The following TIAM2 variants were observed in gnomAD, a reference collection of about 807,000 sequenced individuals.
TIAM2 encodes rho guanine nucleotide exchange factor TIAM2.
TIAM2 carries 80 observed loss-of-function variants against 152.9 expected under a neutral mutation model. The observed-to-expected ratio is 0.52, with a 90% CI of 0.44 to 0.63. The LOEUF (loss-of-function observed/expected upper bound fraction) is 0.63. Ranked by LOEUF, TIAM2 falls within the 30% of genes least tolerant of loss-of-function variation. TIAM2 has a pLI of 0.00. For missense variants in TIAM2, 1,965 were observed against 2,120.1 expected (o/e 0.93, Z 1.44); for synonymous variants, 804 against 838.0 (o/e 0.96, Z 0.70).
At chr6:155,071,595 G>A (rs1322637815) in intron 1 of TIAM2, among the ~76,000 whole-genome samples, 1 of 152,168 alleles carries the variant, frequency 6.6e-6, no homozygotes, top group Non-Finnish European at 1.5e-5. Flanking sequence ...GCAAGGTGCA[G>A]TGATACACCT....
Position 155,250,993 on chromosome 6 carries a change from T to C in TIAM2, c.4032T>C (p.Ala1344=), listed in dbSNP as rs1451902911. ...WLNPFLSLGK[A]RKDLELTVFV... is the part of the protein sequence containing the mutation. ...ATCCATTTCTGTCTCTAGGAAAAGC[T>C]AGAAAGGACCTTGAGCTCACAGTAT... Residue 1344 remains alanine, a synonymous_variant, in exon 22 of 27, where the codon GCT becomes GCC. Transcript: ENST00000682666. The C allele has an allele frequency of 6.8e-6, 11 of 1,614,050 alleles. No homozygotes were observed. Among genetic ancestry groups the C allele is most frequent in the East Asian group, 6.7e-5 (3 of 44,886 alleles).
chr6:155,139,796 C>T (rs1253648935), intron 5 of TIAM2, among the ~76,000 whole-genome samples: 1 of 152,066 alleles, frequency 6.6e-6, no homozygotes, highest in Non-Finnish European at 1.5e-5. Context: ...AATAATTAGC[C>T]TGGCATGATG....
chr6:155,223,914 T>G (rs1251515119), intron 15 of TIAM2, among the ~76,000 whole-genome samples: 1 of 152,186 alleles, frequency 6.6e-6, no homozygotes, highest in Non-Finnish European at 1.5e-5. Context: ...AAAGAAGTAA[T>G]AGGCACAATT....
chr6:155,000,701 C>G lies in TIAM2; in HGVS notation c.-209+5209C>G, dbSNP rs1202221232. On this transcript the variant is annotated intron_variant, in intron 1 of 26. Coordinates refer to ENST00000682666, the MANE Select transcript of TIAM2 (RefSeq NM_012454.4). ...GTCAGATTTGCATTTGAAACCAGTTCCGTTCAGGCACCTTGGCTTACGCCT... is the reference window on the plus strand; with the variant it reads ...GTCAGATTTGCATTTGAAACCAGTTGCGTTCAGGCACCTTGGCTTACGCCT... 2.0e-5 allele frequency among the ~76,000 whole-genome samples: 3 copies of G among 152,078 alleles called. No homozygotes were observed. The East Asian group carries it at 5.8e-4, about 29-fold the overall frequency.
intron 1 of TIAM2, among the ~76,000 whole-genome samples, chr6:155,025,821 A>AACAC (rs58173623): frequency 0.012 from 1,596 of 131,788 alleles, 20 homozygotes; most frequent in East Asian, 0.032. Context: ...CTCCCCCTCA[A>AACAC]ACACACACAC....
chr6:155,087,131 G>A (rs1235484562), intron 1 of TIAM2, among the ~76,000 whole-genome samples: 1 of 152,180 alleles, frequency 6.6e-6, no homozygotes, highest in African/African-American at 2.4e-5. Context: ...GTCTTGAGGG[G>A]CAATTAGGAG....
At chr6:155,079,891 T>G (rs149875550) in intron 1 of TIAM2, among the ~76,000 whole-genome samples, 4,054 of 152,272 alleles carry the variant, frequency 0.027, 185 homozygotes, top group Admixed American at 0.13. Context: ...GAGGTTGCAG[T>G]GAGACGAGAC....
At position 155,253,077 on chromosome 6, in the gene TIAM2, G is replaced by A. The variant is rs370259145; in HGVS notation, c.4225+24G>A. ...AGGTAACTGTTTCGTGCAGTATGATGCCAGAAAAAGCATTTTAGTAGACTT... is the reference window on the plus strand; with the variant it reads ...AGGTAACTGTTTCGTGCAGTATGATACCAGAAAAAGCATTTTAGTAGACTT... On this transcript the variant is annotated intron_variant, in intron 24 of 26. Transcript: ENST00000682666. 3 of 1,579,688 alleles carry A rather than the reference G, an allele frequency of 1.9e-6. No individual in the cohort carries two copies. In the African/African-American group the frequency reaches 4.0e-5, roughly 21 times the overall value.
chr6:155,019,141 GC>G (rs1156268833), intron 1 of TIAM2, among the ~76,000 whole-genome samples: 2 of 151,782 alleles, frequency 1.3e-5, no homozygotes, highest in Non-Finnish European at 2.9e-5. Flanking sequence ...TTCAAGACCA[GC>G]CTGGCCAATG....
At chr6:155,112,797 C>G (rs542946088) in intron 2 of TIAM2, among the ~76,000 whole-genome samples, 2 of 152,290 alleles carry the variant, frequency 1.3e-5, no homozygotes, top group South Asian at 4.1e-4. Context: ...GTCACTCACA[C>G]TTGCTTCCAC....
In TIAM2 at chr6:155,137,509, G is replaced by T. The variant is rs752435883; in HGVS notation, c.1527G>T (p.Lys509Asn). ...LFEKEQGVVRKAGWLFFKPLV... is the reference protein window; with the variant it reads ...LFEKEQGVVRNAGWLFFKPLV... ...AGAAGGAACAGGGGGTGGTCCGGAA[G>T]GCCGGGTGGCTCTTCTTCAAGCCCC... The change falls in exon 5 of 27, where the codon AAG (lysine) becomes AAT (asparagine). Residue 509 changes from lysine to asparagine, a missense_variant. Physicochemically the swap from Lys to Asn is moderately conservative, Grantham distance 94. This residue lies in a region of TIAM2 where 1,025 missense variants were observed against 1,119.4 expected (regional missense o/e 0.92). Transcript: ENST00000682666. 2 of 1,614,182 alleles carry T rather than the reference G, an allele frequency of 1.2e-6. No homozygotes were observed. Among genetic ancestry groups the T allele is most frequent in the East Asian group, 4.5e-5 (2 of 44,888 alleles).
At chr6:155,202,487 C>G (rs1424312001) in intron 14 of TIAM2, among the ~76,000 whole-genome samples, 3 of 152,126 alleles carry the variant, frequency 2.0e-5, no homozygotes, top group Non-Finnish European at 4.4e-5. Context: ...GGCACAATCA[C>G]AAGCCACTGC....
rs1183644288 is a variant in TIAM2, at chr6:155,189,564, A to T, written c.3064+6064A>T. Among the ~76,000 whole-genome samples the T allele has an allele frequency of 3.3e-5, 5 of 152,222 alleles. No individual in the cohort carries two copies. The East Asian group carries it at 9.7e-4, about 29-fold the overall frequency. On this transcript the variant is annotated intron_variant, in intron 14 of 26. Transcript: ENST00000682666. ...TCCTTATAAAACTTAGTTTTGTTTG[A>T]TTCTCTTTTTCTTATTCTCAGTCAT...
chr6:155,015,556 A>G (rs1336714200), intron 1 of TIAM2, among the ~76,000 whole-genome samples: 2 of 152,220 alleles, frequency 1.3e-5, no homozygotes, highest in African/African-American at 4.8e-5. Flanking sequence ...GAAGAAGAAT[A>G]GGAGGCAGAG....
At chr6:155,101,617 G>C (rs1351011813) in intron 2 of TIAM2, among the ~76,000 whole-genome samples, 2 of 152,212 alleles carry the variant, frequency 1.3e-5, no homozygotes, top group Admixed American at 1.3e-4. Flanking sequence ...TTTGACCTGA[G>C]AAGTAAAGAA....
chr6:155,129,666 C>A lies in TIAM2; in HGVS notation c.443C>A (p.Ala148Asp). Residue 148 changes from alanine (A) to aspartate (D), a missense_variant, in exon 4 of 27, where the codon GCC becomes GAC. This residue lies in a region of TIAM2 where 1,025 missense variants were observed against 1,119.4 expected (regional missense o/e 0.92). Transcript: ENST00000682666. This position sits in a 1 kb window ranked among gnomAD's most constrained non-coding sequence, Gnocchi z 4.8. ...TGCTACGGGAGGAATGAGAGCATTG[C>A]CTCCACCCCACCGGGCGAAGACCGC... is the stretch of plus-strand genomic sequence containing the variant. ...LNCYGRNESI[A>D]STPPGEDRKS... The A allele has an allele frequency of 1.2e-6, 2 of 1,614,100 alleles. No individual in the cohort carries two copies. The highest frequency in any genetic ancestry group is 1.7e-6 in the Non-Finnish European group (2 of 1,180,026).
intron 2 of TIAM2, among the ~76,000 whole-genome samples, chr6:155,112,438 T>TC (rs949450176): frequency 2.6e-5 from 4 of 152,124 alleles, no homozygotes; most frequent in African/African-American, 9.7e-5. Context: ...TCTTGGTTCC[T>TC]CTTAATTCAG....
intron 7 of TIAM2, among the ~76,000 whole-genome samples, chr6:155,149,577 G>A (rs1441003783): frequency 6.6e-6 from 1 of 152,164 alleles, no homozygotes; most frequent in East Asian, 1.9e-4. Flanking sequence ...CTCTGTTTAT[G>A]TCTGAATGTT....
intron 6 of TIAM2, 66 bp downstream of exon 6, chr6:155,144,844 A>G: frequency 2.0e-6 from 3 of 1,500,938 alleles, no homozygotes; most frequent in Non-Finnish European, 2.7e-6. Context: ...AGGAACAGAA[A>G]AGGCAAAACT....
Sources: gnomAD v4.1 joint callset for allele counts (sites outside exome capture counted in the v4.1 genomes callset) on GRCh38, gnomAD v4.1.1 for gene constraint, gnomAD v4.1.1 regional missense constraint, Gnocchi (gnomAD v3.1) non-coding constraint, MANE v1.5 for transcripts, NCBI Gene and HGNC (gene_info 2026-07-23, HGNC 2026-07-21) for gene names.